Variants in CPN1 observed in about 807,000 individuals in gnomAD.
CPN1 encodes carboxypeptidase N subunit 1.
Under a neutral mutation model 46.4 loss-of-function variants are expected in CPN1, and 37 were observed. That is an observed-to-expected ratio of 0.80 (90% CI 0.61 to 1.05). CPN1 has a LOEUF of 1.05. Among genes scored for constraint, CPN1 ranks in the 50% least tolerant of loss-of-function variants. The pLI is 0.00. For missense variants in CPN1, 563 were observed against 602.6 expected (o/e 0.93, Z 0.69); for synonymous variants, 224 against 235.4 (o/e 0.95, Z 0.44).
At position 100,054,318 on chromosome 10, in the gene CPN1, C is replaced by T. The variant is rs1354574170; in HGVS notation, c.1111+29G>A. The T allele has an allele frequency of 4.5e-6, 7 of 1,562,962 alleles. No homozygotes were observed. The East Asian group carries it at 1.1e-4, about 25-fold the overall frequency. ...AAGAAGATGCAGGAGTTAACGCTTC[C>T]TTCTTACCCCTAAGCAGTGACCACC... On this transcript the variant is annotated intron_variant, in intron 7 of 8. Coordinates refer to ENST00000370418, the MANE Select transcript of CPN1 (RefSeq NM_001308.3).
At chr10:100,072,296 C>T (rs1299149190) in intron 2 of CPN1, among the ~76,000 whole-genome samples, 4 of 152,096 alleles carry the variant, frequency 2.6e-5, no homozygotes, top group African/African-American at 9.7e-5. Flanking sequence ...CCACCTCAGC[C>T]TCCTGGTAGC....
chr10:100,045,576 T>C (rs1246260514), intron 8 of CPN1, among the ~76,000 whole-genome samples: 1 of 152,236 alleles, frequency 6.6e-6, no homozygotes, highest in African/African-American at 2.4e-5. Context: ...ACACAGGTTG[T>C]ACACTTAGTA....
chr10:100,067,092 C>G (rs17112527), intron 3 of CPN1, among the ~76,000 whole-genome samples: 17,286 of 152,122 alleles, frequency 0.11, 1,678 homozygotes, highest in African/African-American at 0.27. Context: ...GGTTGGATAT[C>G]CTGACTAACA....
At position 100,057,033 on chromosome 10, in the gene CPN1, G is replaced by A; in HGVS notation, c.991C>T (p.Leu331=). ...TTTACCTGTTCCAGGAACTGGATTA[G>A]GGCTTCCCGATTACCCAGCCACTCC... The part of the protein sequence containing the change: ...QREWLGNREA[L]IQFLEQVHQG... Residue 331 remains leucine (L), a synonymous_variant, in exon 6 of 9, where the codon CTA becomes TTA. Transcript: ENST00000370418. 1 of 1,614,132 alleles carries A rather than the reference G, an allele frequency of 6.2e-7. No homozygotes were observed. The highest frequency in any genetic ancestry group is 1.1e-5 in the South Asian group (1 of 91,080).
At chr10:100,067,202 C>T (rs1239135020) in intron 3 of CPN1, among the ~76,000 whole-genome samples, 2 of 152,206 alleles carry the variant, frequency 1.3e-5, no homozygotes, top group African/African-American at 2.4e-5. Flanking sequence ...CTGCAACCTC[C>T]GCCATCTGGG....
In CPN1 at chr10:100,069,899, A is replaced by G. The variant is rs1365282083; in HGVS notation, c.421-30T>C. ...AGGAAAATGAAAAGATGAAAAATGA[A>G]GGTTTCAGATTGAATACTATATTTT... On this transcript the variant is annotated intron_variant, in intron 2 of 8. Coordinates refer to ENST00000370418, the MANE Select transcript of CPN1 (RefSeq NM_001308.3). 5 of 1,613,220 alleles carry G rather than the reference A, an allele frequency of 3.1e-6. No individual in the cohort carries two copies. The Admixed American group carries it at 8.4e-5, about 27-fold the overall frequency.
chr10:100,077,167 GAAGTCATCTTGGGTTC>G (rs945798613), intron 1 of CPN1, among the ~76,000 whole-genome samples: 41 of 150,784 alleles, frequency 2.7e-4, no homozygotes, highest in African/African-American at 9.3e-4. Flanking sequence ...GATACTCTGT[GAAGTCATCTTGGGTTC>G]TCCTTGATGA....
At chr10:100,055,195 G>T (rs543653230) in intron 6 of CPN1, among the ~76,000 whole-genome samples, 2 of 151,502 alleles carry the variant, frequency 1.3e-5, no homozygotes, top group Admixed American at 1.3e-4. Flanking sequence ...CTTAGATCAC[G>T]CCACTGCACT....
chr10:100,042,856 G>C (rs569084125), intron 8 of CPN1, among the ~76,000 whole-genome samples: 6 of 152,158 alleles, frequency 3.9e-5, no homozygotes, highest in African/African-American at 1.2e-4. Flanking sequence ...CACTTGGGAG[G>C]CTGAGGTGGT....
At chr10:100,055,349 T>TA (rs1361178259) in intron 6 of CPN1, among the ~76,000 whole-genome samples, 1 of 144,228 alleles carries the variant, frequency 6.9e-6, no homozygotes, top group Non-Finnish European at 1.5e-5. Context: ...TTCTCCATTA[T>TA]CCCCCCCCCC....
chr10:100,049,068 C>A (rs1055375389), intron 7 of CPN1, among the ~76,000 whole-genome samples, 192 bp from the exon 8 acceptor site: 12 of 152,236 alleles, frequency 7.9e-5, no homozygotes, highest in African/African-American at 2.9e-4. Flanking sequence ...AAGCAATTCT[C>A]CTGCCTCAGT....
chr10:100,078,364 C>T (rs1481690691), intron 1 of CPN1, among the ~76,000 whole-genome samples: 1 of 152,188 alleles, frequency 6.6e-6, no homozygotes, highest in Non-Finnish European at 1.5e-5. Flanking sequence ...ATATCTGGAA[C>T]ACAACCACTT....
intron 2 of CPN1, 66 bp from the exon 3 acceptor site, chr10:100,069,935 T>A: frequency 6.3e-7 from 1 of 1,593,186 alleles, no homozygotes; most frequent in Non-Finnish European, 8.6e-7. Context: ...CTAACTTTTT[T>A]TTTTGGAGAC....
At chr10:100,047,910 TA>T (rs1307662459) in intron 8 of CPN1, among the ~76,000 whole-genome samples, 1 of 152,102 alleles carries the variant, frequency 6.6e-6, no homozygotes, top group Non-Finnish European at 1.5e-5. Context: ...GAGAATCACT[TA>T]AACCTGGGAG....
rs747941517 is a variant in CPN1 at position 100,069,888 on chromosome 10, A to G, written c.421-19T>C. The G allele has an allele frequency of 6.2e-7, 1 of 1,613,344 alleles. No individual in the cohort carries two copies. The highest frequency in any genetic ancestry group is 1.1e-5 in the South Asian group (1 of 91,034). On this transcript the variant is annotated intron_variant, in intron 2 of 8. Transcript: ENST00000370418. The stretch of plus-strand genomic sequence containing the variant: ...TTGGGCCCTAAAGGAAAATGAAAAG[A>G]TGAAAAATGAAGGTTTCAGATTGAA...
Position 100,065,327 on chromosome 10 carries a change from A to G in CPN1, c.620T>C (p.Phe207Ser). 3.1e-6 allele frequency: 5 copies of G among 1,614,196 alleles called. No individual in the cohort carries two copies. The highest frequency in any genetic ancestry group is 4.2e-6 in the Non-Finnish European group (5 of 1,180,038). Residue 207 changes from phenylalanine to serine, a missense_variant, in exon 4 of 9, where the codon TTC (phenylalanine) becomes TCC (serine). Coordinates refer to ENST00000370418, the MANE Select transcript of CPN1 (RefSeq NM_001308.3). ...TRAVIRWMHS[F>S]NFVLSANLHG... is the part of the protein sequence containing the mutation. ...GAGATTGGCTGAAAGAACAAAGTTG[A>G]AGGAGTGCATCCACCGGATCACCGC...
At chr10:100,072,767 C>T (rs1183123517) in intron 2 of CPN1, among the ~76,000 whole-genome samples, 1 of 152,126 alleles carries the variant, frequency 6.6e-6, no homozygotes, top group Non-Finnish European at 1.5e-5. Context: ...GTAGTCTAGC[C>T]TTCTAGGAAT....
At chr10:100,075,683 A>G (rs1212974273) in intron 2 of CPN1, among the ~76,000 whole-genome samples, 1 of 152,242 alleles carries the variant, frequency 6.6e-6, no homozygotes, top group Non-Finnish European at 1.5e-5. Context: ...GTGTTGAGGG[A>G]ATGCAGGCTC....
At chr10:100,056,871 A>G (rs2041386961) in intron 6 of CPN1, 142 bp downstream of exon 6, 1 of 1,032,608 alleles carries the variant, frequency 9.7e-7, no homozygotes, top group African/African-American at 1.6e-5. Context: ...TGTTGAATGA[A>G]TAAATCTCAA....
Sources: gnomAD v4.1 joint callset for allele counts (sites outside exome capture counted in the v4.1 genomes callset) on GRCh38, gnomAD v4.1.1 for gene constraint, MANE v1.5 for transcripts, NCBI Gene and HGNC (gene_info 2026-07-23, HGNC 2026-07-21) for gene names.